The following DDX41 variants were observed in gnomAD, a reference collection of about 807,000 sequenced individuals.
DDX41 encodes the protein DEAD-box helicase 41.
A neutral mutation model predicts 78.8 loss-of-function variants in DDX41; 50 were observed. That is an observed-to-expected ratio of 0.63 (90% CI 0.51 to 0.80). The LOEUF (loss-of-function observed/expected upper bound fraction) is 0.80, where lower values mean the gene tolerates loss of function less well. Ranked by LOEUF, DDX41 falls within the 30% of genes least tolerant of loss-of-function variation. The pLI is 0.00. For missense variants in DDX41, 633 were observed against 849.2 expected (o/e 0.75, Z 3.16); for synonymous variants, 381 against 321.5 (o/e 1.19, Z -1.98).
rs373983939 is a variant in DDX41 at position 177,512,773 on chromosome 5, C to T, written c.1399+7G>A. 3 of 1,614,086 alleles carry T rather than the reference C, an allele frequency of 1.9e-6. No homozygotes were observed. Among genetic ancestry groups the T allele is most frequent in the Non-Finnish European group, 2.5e-6 (3 of 1,180,006 alleles). On this transcript the variant is annotated splice_region_variant and intron_variant, in intron 13 of 16. Coordinates refer to ENST00000330503, the MANE Select transcript of DDX41 (RefSeq NM_016222.4). ...AGGGTCCAAGCCAGTGCTTGCACCA[C>T]CCTGACCTTTGCCCCCATGGATGGC...
intron 6 of DDX41, 180 bp from the exon 7 acceptor site, chr5:177,515,438 G>A (rs1295447167): frequency 4.6e-6 from 4 of 869,896 alleles, no homozygotes; most frequent in Admixed American, 4.2e-5. Flanking sequence ...CACAGGCTAG[G>A]TGCAGCCAGG....
chr5:177,512,129 G>A lies in DDX41; in HGVS notation c.1699C>T (p.His567Tyr). The A allele has an allele frequency of 6.2e-7, 1 of 1,613,436 alleles. No individual in the cohort carries two copies. Among genetic ancestry groups the A allele is most frequent in the Non-Finnish European group, 8.5e-7 (1 of 1,180,042 alleles). ...TCCAGCATGGACTCATCCCCGCAAT[G>A]CAGCACCTGCAGCACGGGCGGCACC... The part of the protein sequence containing the change: ...QKVPPVLQVL[H>Y]CGDESMLDIG... Residue 567 changes from histidine to tyrosine, a missense_variant, in exon 16 of 17, where the codon CAT becomes TAT. Physicochemically the swap from His to Tyr is moderately conservative, Grantham distance 83. This residue lies in a region of DDX41 where 185 missense variants were observed against 367.4 expected (regional missense o/e 0.50). Transcript: ENST00000330503.
rs768141663 is a variant in DDX41, at chr5:177,515,388, G to A, written c.572-130C>T. On this transcript the variant is annotated intron_variant, in intron 6 of 16. Transcript: ENST00000330503. ...TGAGGCTCAGAGAGAGAGAGAGAGA[G>A]TGGAAAAAAAAAAAGAAAAAAAGAG... The A allele has an allele frequency of 1.3e-5, 13 of 989,064 alleles. No individual in the cohort carries two copies. The South Asian group carries it at 1.8e-4, about 14-fold the overall frequency. 61.3% of individuals were successfully genotyped at this position (989,064 alleles called of 1,614,324 possible). A position where few individuals can be genotyped will look rare whatever the true frequency, so the allele number is the denominator to read the frequency against.
rs755696250 is a variant in DDX41, at chr5:177,515,728, G to A, written c.528C>T (p.Ile176=). The A allele has an allele frequency of 6.2e-7, 1 of 1,614,130 alleles. No homozygotes were observed. The highest frequency in any genetic ancestry group is 1.1e-5 in the South Asian group (1 of 91,086). Residue 176 remains isoleucine, a synonymous_variant, in exon 6 of 17, where the codon ATC becomes ATT. Coordinates refer to ENST00000330503, the MANE Select transcript of DDX41 (RefSeq NM_016222.4). The part of the protein sequence containing the change: ...KYHILVEGDG[I]PPPIKSFKEM... ...CCTTGAAGCTCTTGATGGGTGGTGG[G>A]ATACCGTCTCCCTCCACCAGGATGT...
intron 13 of DDX41, 43 bp from the exon 14 acceptor site, chr5:177,512,688 A>C: frequency 6.2e-7 from 1 of 1,613,450 alleles, no homozygotes; most frequent in Non-Finnish European, 8.5e-7. Context: ...ACCATGGGAC[A>C]GGGGAGTGGC....
At position 177,513,987 on chromosome 5, in the gene DDX41, C is replaced by A; in HGVS notation, c.936-140G>T. 1.2e-6 allele frequency: 1 copy of A among 868,184 alleles called. No individual in the cohort carries two copies. The allele number at this position is 868,184 out of a possible 1,614,324, so 53.8% of individuals were successfully genotyped here. A position where few individuals can be genotyped will look rare whatever the true frequency, so the allele number is the denominator to read the frequency against. The stretch of plus-strand genomic sequence containing the variant: ...GTCCCCTTCTCATCATTCCCACCAC[C>A]TGCCCTATGTATAGCACACAGCTCT... On this transcript the variant is annotated intron_variant, in intron 9 of 16. Coordinates refer to ENST00000330503, the MANE Select transcript of DDX41 (RefSeq NM_016222.4). The surrounding 1 kb of genome is among the most constrained non-coding windows in gnomAD (Gnocchi z 4.6).
At chr5:177,516,064 G>C in intron 4 of DDX41, 55 bp downstream of exon 4, 1 of 1,613,948 alleles carries the variant, frequency 6.2e-7, no homozygotes, top group South Asian at 1.1e-5. Flanking sequence ...AACATGCCTG[G>C]GGCTGGGAGG....
intron 14 of DDX41, 34 bp from the exon 15 acceptor site, chr5:177,512,427 G>T: frequency 6.2e-7 from 1 of 1,614,098 alleles, no homozygotes; most frequent in Middle Eastern, 1.7e-4. Flanking sequence ...CTGGCCCATC[G>T]CTGGACACTA....
Position 177,513,910 on chromosome 5 carries a change from C to G in DDX41, c.936-63G>C, listed in dbSNP as rs531193623. ...GGCCTATCACCTATCTAGAGGCAAG[C>G]AGGCACCCTGCATCTGCTCTGCTCT... On this transcript the variant is annotated intron_variant, in intron 9 of 16. Coordinates refer to ENST00000330503, the MANE Select transcript of DDX41 (RefSeq NM_016222.4). This position sits in a 1 kb window ranked among gnomAD's most constrained non-coding sequence, Gnocchi z 4.6. 6.5e-7 allele frequency: 1 copy of G among 1,537,296 alleles called. No homozygotes were observed. Among genetic ancestry groups the G allele is most frequent in the Non-Finnish European group, 9.0e-7 (1 of 1,116,186 alleles).
intron 2 of DDX41, 50 bp from the exon 3 acceptor site, chr5:177,516,497 G>A (rs969932892): frequency 1.2e-6 from 2 of 1,603,026 alleles, no homozygotes; most frequent in South Asian, 1.1e-5. Context: ...GAGTCCACAA[G>A]GTCAGCGTCA....
rs1488113859 is a variant in DDX41 at position 177,516,409 on chromosome 5, C to T, written c.177G>A (p.Ala59=). The part of the protein sequence containing the change: ...KLLQRRRKGA[A]EEEQQDSGSE... The stretch of plus-strand genomic sequence containing the variant: ...TACCGCTGTCCTGCTGCTCTTCCTC[C>T]GCAGCTCCCTTGCGTCTTCGCTGCA... Residue 59 remains alanine, a synonymous_variant, in exon 3 of 17, where the codon GCG becomes GCA. Transcript: ENST00000330503. 2 of 1,613,914 alleles carry T rather than the reference C, an allele frequency of 1.2e-6. No individual in the cohort carries two copies. Among genetic ancestry groups the T allele is most frequent in the East Asian group, 2.2e-5 (1 of 44,880 alleles).
In DDX41 at chr5:177,516,460, C is replaced by T. The variant is rs763365961; in HGVS notation, c.139-13G>A. The T allele has an allele frequency of 1.2e-6, 2 of 1,612,698 alleles. No homozygotes were observed. The highest frequency in any genetic ancestry group is 1.7e-6 in the Non-Finnish European group (2 of 1,179,998). On this transcript the variant is annotated splice_polypyrimidine_tract_variant and intron_variant, in intron 2 of 16. Coordinates refer to ENST00000330503, the MANE Select transcript of DDX41 (RefSeq NM_016222.4). ...GCAGCTTCTGGAGCTGAGGTTCCACCCGGGATCCACAGATAGGATGGGCAT... is the reference window on the plus strand; with the variant it reads ...GCAGCTTCTGGAGCTGAGGTTCCACTCGGGATCCACAGATAGGATGGGCAT...
Position 177,516,289 on chromosome 5 carries a change from T to G in DDX41, c.297A>C (p.Glu99Asp). 6.2e-7 allele frequency: 1 copy of G among 1,614,166 alleles called. No individual in the cohort carries two copies. Among genetic ancestry groups the G allele is most frequent in the East Asian group, 2.2e-5 (1 of 44,880 alleles). ...DQHQHLKEKA[E>D]ARKESAKEKQ... is the part of the protein sequence containing the mutation. Reference sequence around the variant, plus strand: ...CCCAGGCAGTGCTGCCCAGCCCACCTTCAGCCTTCTCTTTAAGGTGCTGGT... The same window carrying G: ...CCCAGGCAGTGCTGCCCAGCCCACCGTCAGCCTTCTCTTTAAGGTGCTGGT... Residue 99 changes from glutamate to aspartate, a missense_variant and splice_region_variant, in exon 3 of 17, where the codon GAA (glutamate) becomes GAC (aspartate). Physicochemically the swap from Glu to Asp is conservative, Grantham distance 45. Coordinates refer to ENST00000330503, the MANE Select transcript of DDX41 (RefSeq NM_016222.4).
At position 177,514,755 on chromosome 5, in the gene DDX41, C is replaced by A. The variant is rs1187779694; in HGVS notation, c.881G>T (p.Cys294Phe). The A allele has an allele frequency of 3.7e-6, 6 of 1,612,834 alleles. No individual in the cohort carries two copies. The highest frequency in any genetic ancestry group is 5.1e-6 in the Non-Finnish European group (6 of 1,179,910). The change falls in exon 9 of 17, where the codon TGC becomes TTC. Residue 294 changes from cysteine (C) to phenylalanine (F), a missense_variant. Physicochemically the swap from Cys to Phe is radical, Grantham distance 205. This residue lies in a region of DDX41 where 151 missense variants were observed against 169.2 expected (regional missense o/e 0.89). Coordinates refer to ENST00000330503, the MANE Select transcript of DDX41 (RefSeq NM_016222.4). The surrounding 1 kb of genome is among the most constrained non-coding windows in gnomAD (Gnocchi z 4.2). ...LQEDSSPLLR[C>F]ALCIGGMSVK... ...GGACATGCCCCCAATGCAGAGGGCG[C>A]AGCGCAGGAGTGGTGAGCTGTCCTC...
Position 177,516,201 on chromosome 5 carries a change from A to G in DDX41, c.299-8T>C. On this transcript the variant is annotated splice_region_variant and splice_polypyrimidine_tract_variant and intron_variant, in intron 3 of 16. Coordinates refer to ENST00000330503, the MANE Select transcript of DDX41 (RefSeq NM_016222.4). ...TGGCAGACTCTTTGCGCGCTGAGAA[A>G]AGAAGTGGAAGATGTCAGACAGATA... 1 of 1,614,078 alleles carries G rather than the reference A, an allele frequency of 6.2e-7. No individual in the cohort carries two copies. Among genetic ancestry groups the G allele is most frequent in the Non-Finnish European group, 8.5e-7 (1 of 1,180,016 alleles).
chr5:177,516,363 C>T lies in DDX41; in HGVS notation c.223G>A (p.Asp75Asn). 1 of 1,614,096 alleles carries T rather than the reference C, an allele frequency of 6.2e-7. No homozygotes were observed. The highest frequency in any genetic ancestry group is 1.3e-5 in the African/African-American group (1 of 75,062). Reference protein sequence around the residue: ...DSGSEPRGDEDDIPLGPQSNV... With the variant: ...DSGSEPRGDENDIPLGPQSNV... ...GACTGAGGGCCTAGCGGGATGTCGT[C>T]CTCATCTCCCCGGGGTTCACTACCG... Residue 75 changes from aspartate (D) to asparagine (N), a missense_variant, in exon 3 of 17, where the codon GAC becomes AAC. By Grantham distance (23) the Asp-to-Asn change is conservative. Transcript: ENST00000330503.
chr5:177,514,600 C>T lies in DDX41; in HGVS notation c.935+101G>A. ...CCTTGAGGGTCGCACTCACAGCAGC[C>T]CTCTGTGAAGATCTGTGGAGTGGCT... On this transcript the variant is annotated intron_variant, in intron 9 of 16. Transcript: ENST00000330503. This position sits in a 1 kb window ranked among gnomAD's most constrained non-coding sequence, Gnocchi z 4.2. 2 of 1,479,846 alleles carry T rather than the reference C, an allele frequency of 1.4e-6. No homozygotes were observed. Among genetic ancestry groups the T allele is most frequent in the African/African-American group, 1.4e-5 (1 of 71,868 alleles). 91.7% of individuals were successfully genotyped at this position (1,479,846 alleles called of 1,614,324 possible).
Position 177,513,141 on chromosome 5 carries a change from T to G in DDX41, c.1231-59A>C. 6.3e-7 allele frequency: 1 copy of G among 1,576,190 alleles called. No homozygotes were observed. The highest frequency in any genetic ancestry group is 1.1e-5 in the South Asian group (1 of 87,468). ...AGATTAGGCTTACCCGCCACAGCCCTGCCATGGCCCGTCATCTGGACCAGG... is the reference window on the plus strand; with the variant it reads ...AGATTAGGCTTACCCGCCACAGCCCGGCCATGGCCCGTCATCTGGACCAGG... On this transcript the variant is annotated intron_variant, in intron 11 of 16. Coordinates refer to ENST00000330503, the MANE Select transcript of DDX41 (RefSeq NM_016222.4). This position sits in a 1 kb window ranked among gnomAD's most constrained non-coding sequence, Gnocchi z 4.6.
chr5:177,513,152 G>C lies in DDX41; in HGVS notation c.1231-70C>G. On this transcript the variant is annotated intron_variant, in intron 11 of 16. Transcript: ENST00000330503. The surrounding 1 kb of genome is among the most constrained non-coding windows in gnomAD (Gnocchi z 4.6). ...ACCCGCCACAGCCCTGCCATGGCCCGTCATCTGGACCAGGAGGTGACCAGA... is the reference window on the plus strand; with the variant it reads ...ACCCGCCACAGCCCTGCCATGGCCCCTCATCTGGACCAGGAGGTGACCAGA... The C allele has an allele frequency of 1.9e-6, 3 of 1,561,512 alleles. No homozygotes were observed. Among genetic ancestry groups the C allele is most frequent in the Non-Finnish European group, 2.6e-6 (3 of 1,141,740 alleles).
Sources: gnomAD v4.1 joint callset for allele counts on GRCh38, gnomAD v4.1.1 for gene constraint, gnomAD v4.1.1 regional missense constraint, Gnocchi (gnomAD v3.1) non-coding constraint, MANE v1.5 for transcripts, NCBI Gene and HGNC (gene_info 2026-07-23, HGNC 2026-07-21) for gene names.